COL25A1: variants seen among roughly 807,000 people sequenced by gnomAD.
COL25A1 encodes the protein collagen alpha-1(XXV) chain.
In COL25A1, 103 loss-of-function variants were observed where a neutral mutation model predicts 128.4. That is an observed-to-expected ratio of 0.80 (90% CI 0.68 to 0.94). The LOEUF (loss-of-function observed/expected upper bound fraction) is 0.94, where lower values mean the gene tolerates loss of function less well. Among genes scored for constraint, COL25A1 ranks in the 40% least tolerant of loss-of-function variants. The pLI is 0.00. For synonymous variants in COL25A1, 279 were observed against 277.2 expected (o/e 1.01, Z -0.06); for missense variants, 745 against 840.0 (o/e 0.89, Z 1.40).
At chr4:109,045,521 GC>G (rs943394469) in intron 5 of COL25A1, among the ~76,000 whole-genome samples, 9 of 152,038 alleles carry the variant, frequency 5.9e-5, no homozygotes, top group Non-Finnish European at 8.8e-5. Context: ...TTGTTATAAA[GC>G]CACCTACTCT....
chr4:108,869,285 C>A, intron 19 of COL25A1, 135 bp from the exon 20 acceptor site: 1 of 536,870 alleles, frequency 1.9e-6, no homozygotes, highest in Non-Finnish European at 3.3e-6. Context: ...GCTTTCTTGC[C>A]GAGATCCAGC....
intron 3 of COL25A1, among the ~76,000 whole-genome samples, chr4:109,063,108 C>T (rs182826634): frequency 1.3e-5 from 2 of 152,322 alleles, no homozygotes; most frequent in Admixed American, 6.5e-5. Flanking sequence ...TTAGCCAATA[C>T]ATAATACAGT....
At chr4:109,189,547 CAAAAAAAAAA>C (rs33989375) in intron 3 of COL25A1, among the ~76,000 whole-genome samples, 4 of 53,606 alleles carry the variant, frequency 7.5e-5, no homozygotes, top group Admixed American at 2.2e-4. Flanking sequence ...GACTCCATCT[CAAAAAAAAAA>C]AAAAAAAAAA....
chr4:109,223,576 C>A (rs1405414692), intron 3 of COL25A1, among the ~76,000 whole-genome samples: 1 of 151,716 alleles, frequency 6.6e-6, no homozygotes, highest in Non-Finnish European at 1.5e-5. Flanking sequence ...GGGGACATCT[C>A]CCCCACCCCC....
intron 28 of COL25A1, 106 bp from the exon 29 acceptor site, chr4:108,845,357 T>C: frequency 2.4e-6 from 2 of 829,250 alleles, no homozygotes; most frequent in Non-Finnish European, 4.1e-6. Flanking sequence ...TTTTATAATA[T>C]TATGCACTTG....
chr4:108,828,137 GGATTT>G (rs1732603837), intron 32 of COL25A1, among the ~76,000 whole-genome samples: 1 of 151,990 alleles, frequency 6.6e-6, no homozygotes, highest in African/African-American at 2.4e-5. Context: ...CTGAAAAAGA[GGATTT>G]ATTTATTTTT....
At chr4:109,282,014 G>A (rs1004607416) in intron 3 of COL25A1, among the ~76,000 whole-genome samples, 9 of 152,132 alleles carry the variant, frequency 5.9e-5, no homozygotes, top group African/African-American at 2.2e-4. Flanking sequence ...AATTCTCCTA[G>A]CTGAGCCTAA....
chr4:109,043,507 G>A (rs887096363), intron 5 of COL25A1, among the ~76,000 whole-genome samples: 6 of 151,810 alleles, frequency 4.0e-5, no homozygotes, highest in Non-Finnish European at 5.9e-5. Flanking sequence ...AGTTCTCCAC[G>A]ACCAACAATA....
At chr4:109,138,069 G>T (rs995319914) in intron 3 of COL25A1, among the ~76,000 whole-genome samples, 3 of 150,744 alleles carry the variant, frequency 2.0e-5, no homozygotes, top group Non-Finnish European at 4.4e-5. Context: ...CACGTACCAT[G>T]GTGGTTTGCT....
intron 3 of COL25A1, among the ~76,000 whole-genome samples, chr4:109,230,879 G>A (rs1019802353): frequency 2.0e-5 from 3 of 152,158 alleles, no homozygotes; most frequent in East Asian, 1.9e-4. Flanking sequence ...AGCGGCTCAC[G>A]CCTGTAATCC....
At chr4:108,854,227 T>A (rs1736186998) in intron 24 of COL25A1, among the ~76,000 whole-genome samples, 2 of 152,084 alleles carry the variant, frequency 1.3e-5, no homozygotes, top group South Asian at 4.1e-4. Context: ...TCAAAACGGA[T>A]TAAAGATTTA....
At chr4:109,240,738 C>A (rs1462794455) in intron 3 of COL25A1, among the ~76,000 whole-genome samples, 1 of 152,032 alleles carries the variant, frequency 6.6e-6, no homozygotes, top group Admixed American at 6.6e-5. Context: ...GTCACTTGGG[C>A]TAGTGATTTA....
At chr4:108,903,419 A>G (rs1306813175) in intron 13 of COL25A1, among the ~76,000 whole-genome samples, 1 of 152,022 alleles carries the variant, frequency 6.6e-6, no homozygotes. Flanking sequence ...GTTTTCACAC[A>G]GTATTTGTGA....
intron 11 of COL25A1, among the ~76,000 whole-genome samples, chr4:108,931,820 C>T (rs1363811386): frequency 6.6e-6 from 1 of 152,160 alleles, no homozygotes; most frequent in African/African-American, 2.4e-5. Context: ...GCACTACAGG[C>T]TCTGGGCAAA....
intron 8 of COL25A1, among the ~76,000 whole-genome samples, chr4:108,959,149 T>C (rs1030407969): frequency 2.0e-5 from 3 of 151,924 alleles, no homozygotes. Flanking sequence ...ACAGGTTGGG[T>C]GTCACTGGGG....
Position 108,880,235 on chromosome 4 carries a change from T to C in COL25A1, c.1020+3943A>G, listed in dbSNP as rs536441792. The stretch of plus-strand genomic sequence containing the variant: ...GTGAACAGAACCAGGAAGAAGAACA[T>C]TGACAGTGCCATGTCCTATCCCCAT... On this transcript the variant is annotated intron_variant, in intron 19 of 37. Transcript: ENST00000399132. Among the ~76,000 whole-genome samples the C allele has an allele frequency of 5.3e-5, 8 of 152,326 alleles. No individual in the cohort carries two copies. In the South Asian group the frequency reaches 1.4e-3, roughly 28 times the overall value.
At chr4:109,005,822 T>C (rs188571135) in intron 6 of COL25A1, among the ~76,000 whole-genome samples, 1 of 152,286 alleles carries the variant, frequency 6.6e-6, no homozygotes, top group Admixed American at 6.5e-5. Flanking sequence ...AGTTTTGCAG[T>C]GTCCATACCC....
chr4:109,178,272 A>G (rs947547294), intron 3 of COL25A1, among the ~76,000 whole-genome samples: 1 of 152,216 alleles, frequency 6.6e-6, no homozygotes, highest in Non-Finnish European at 1.5e-5. Context: ...AACATTTTCA[A>G]CTACGTTGGG....
chr4:109,108,419 C>A (rs1766664081), intron 3 of COL25A1, among the ~76,000 whole-genome samples: 1 of 152,086 alleles, frequency 6.6e-6, no homozygotes, highest in African/African-American at 2.4e-5. Flanking sequence ...TTTTCTTAAT[C>A]CAGTCTATCA....
Sources: allele counts gnomAD v4.1 joint callset (sites outside exome capture counted in the v4.1 genomes callset), GRCh38; gene constraint gnomAD v4.1.1; transcripts MANE v1.5; gene names NCBI Gene and HGNC (gene_info 2026-07-23, HGNC 2026-07-21).